Variants in HMCN2 observed in about 807,000 individuals in gnomAD.
HMCN2 encodes hemicentin-2.
HMCN2 carries 325 observed loss-of-function variants against 377.5 expected under a neutral mutation model. The ratio of observed to expected loss-of-function variants is 0.86; its 90% CI spans 0.79 to 0.94. HMCN2 has a LOEUF of 0.94. Among genes scored for constraint, HMCN2 ranks in the 40% least tolerant of loss-of-function variants. HMCN2 has a pLI of 0.00. For missense variants in HMCN2, 4,543 were observed against 4,725.3 expected (o/e 0.96, Z 1.13); for synonymous variants, 2,007 against 2,046.8 (o/e 0.98, Z 0.53).
At chr9:130,396,970 C>T (rs915513566) in intron 73 of HMCN2, among the ~76,000 whole-genome samples, 3 of 152,226 alleles carry the variant, frequency 2.0e-5, no homozygotes, top group African/African-American at 7.2e-5. Flanking sequence ...CCAATGTTGG[C>T]TTGGGCTGTG....
intron 74 of HMCN2, among the ~76,000 whole-genome samples, chr9:130,398,163 A>C (rs1291190086): frequency 1.3e-5 from 2 of 149,804 alleles, no homozygotes; most frequent in Non-Finnish European, 3.0e-5. Context: ...CAAAAAAAAA[A>C]AAAAAAAAAA....
chr9:130,383,328 G>A (rs1407894448), intron 56 of HMCN2, among the ~76,000 whole-genome samples, 176 bp from the exon 57 acceptor site: 2 of 152,076 alleles, frequency 1.3e-5, no homozygotes, highest in Non-Finnish European at 2.9e-5. Flanking sequence ...AACCTCACAC[G>A]CCCGCTCCTG....
At chr9:130,356,726 A>G (rs528834362) in intron 34 of HMCN2, among the ~76,000 whole-genome samples, 1 of 152,080 alleles carries the variant, frequency 6.6e-6, no homozygotes, top group South Asian at 2.1e-4. Flanking sequence ...TAGCCCTCCA[A>G]CAACTACATT....
chr9:130,419,291 T>G (rs1564877539), intron 86 of HMCN2: 3 of 399,508 alleles, frequency 7.5e-6, no homozygotes, highest in Non-Finnish European at 1.3e-5. Flanking sequence ...CTGGCACAAA[T>G]GCATGTCCTC....
At chr9:130,427,904 A>G (rs1190593190) in intron 92 of HMCN2, among the ~76,000 whole-genome samples, 1 of 152,190 alleles carries the variant, frequency 6.6e-6, no homozygotes, top group East Asian at 1.9e-4. Context: ...GAACCTGAAC[A>G]GGCCTCGGAA....
rs1056290568 is a variant in HMCN2, at chr9:130,422,083, G to A, written c.13232-494G>A. Among the ~76,000 whole-genome samples the A allele has an allele frequency of 7.2e-5, 11 of 152,230 alleles. No individual in the cohort carries two copies. Among genetic ancestry groups the A allele is most frequent in the African/African-American group, 1.2e-4 (5 of 41,460 alleles). On this transcript the variant is annotated intron_variant, in intron 86 of 97. Transcript: ENST00000683500. The surrounding 1 kb of genome is among the most constrained non-coding windows in gnomAD (Gnocchi z 4.2). ...CAGCGGCTAGGAAACCAGCCCACCC[G>A]GCCAGGCCAGCTGCAGGGCAGCCAG...
chr9:130,384,595 C>T (rs998458711), intron 58 of HMCN2, 61 bp downstream of exon 58: 154 of 1,300,058 alleles, frequency 1.2e-4, no homozygotes, highest in Middle Eastern at 6.4e-4. Context: ...GTTGCTCCCC[C>T]GACCTGGGAC....
chr9:130,412,567 C>CTTTTTTTTTTTTTTTTTTTTTTTTTTTTT (rs55873444), intron 85 of HMCN2, among the ~76,000 whole-genome samples: 1 of 134,528 alleles, frequency 7.4e-6, no homozygotes, highest in East Asian at 2.2e-4. Flanking sequence ...CTTTCTTTCT[C>CTTTTTTTTTTTTTTTTTTTTTTTTTTTTT]TTTTTTTTTT....
Position 130,428,603 on chromosome 9 carries a change from G to A in HMCN2, c.14197+114G>A, listed in dbSNP as rs117515575. The A allele has an allele frequency of 2.6e-4, 359 of 1,381,862 alleles. 3 individuals carry two copies. In the East Asian group the frequency reaches 8.1e-3, roughly 31 times the overall value. The allele number at this position is 1,381,862 out of a possible 1,614,324, so 85.6% of individuals were successfully genotyped here. A position where few individuals can be genotyped will look rare whatever the true frequency, so the allele number is the denominator to read the frequency against. ...GGCTCTGGGCTTCCAGGAAGACTGG[G>A]ACTCTTGGCAGAAGGAGTACAGCAA... On this transcript the variant is annotated intron_variant, in intron 93 of 97. Coordinates refer to ENST00000683500, the MANE Select transcript of HMCN2 (RefSeq NM_001291815.2). The surrounding 1 kb of genome is among the most constrained non-coding windows in gnomAD (Gnocchi z 5.0).
rs188168771 is a variant in HMCN2, at chr9:130,374,881, G to T, written c.7630+188G>T. ...TTATTATGGGCCAGGCATTTCAACA[G>T]GCCTGACTGAATCTTCACAATGACA... On this transcript the variant is annotated intron_variant, in intron 49 of 97. Transcript: ENST00000683500. 2.6e-5 allele frequency among the ~76,000 whole-genome samples: 4 copies of T among 152,306 alleles called. No individual in the cohort carries two copies. In the East Asian group the frequency reaches 7.7e-4, roughly 29 times the overall value.
At chr9:130,363,362 C>G (rs1315311077) in intron 40 of HMCN2, among the ~76,000 whole-genome samples, 4 of 152,206 alleles carry the variant, frequency 2.6e-5, no homozygotes, top group Non-Finnish European at 5.9e-5. Context: ...CTTTGCTTCT[C>G]TCGGCCACCA....
Position 130,302,824 on chromosome 9 carries a change from G to A in HMCN2, c.1277-33G>A, listed in dbSNP as rs371996916. On this transcript the variant is annotated intron_variant, in intron 8 of 97. Coordinates refer to ENST00000683500, the MANE Select transcript of HMCN2 (RefSeq NM_001291815.2). ...ACTGGGTGTGGCAAAGGGGCGGTGG[G>A]GAGACATTCTGAGTCCTGGTCCCCG... is the stretch of plus-strand genomic sequence containing the variant. The A allele has an allele frequency of 1.7e-3, 750 of 431,686 alleles. 4 individuals carry two copies. The highest frequency in any genetic ancestry group is 0.014 in the African/African-American group (691 of 49,390). The allele number at this position is 431,686 out of a possible 1,614,324, so 26.7% of individuals were successfully genotyped here. A position where few individuals can be genotyped will look rare whatever the true frequency, so the allele number is the denominator to read the frequency against.
rs145532214 is a variant in HMCN2 at position 130,384,733 on chromosome 9, T to G, written c.9041T>G (p.Met3014Arg). The change falls in exon 59 of 98, where the codon ATG (methionine) becomes AGG (arginine). Residue 3014 changes from methionine to arginine, a missense_variant. Around this residue, in one of 5 missense-constraint regions of HMCN2, gnomAD observed 736 missense variants for 773.2 expected, o/e 0.95. Coordinates refer to ENST00000683500, the MANE Select transcript of HMCN2 (RefSeq NM_001291815.2). ...AGAGCACGGCTGTCGGACTCCGGGA[T>G]GTACACATGCGAAGCCCTCAATGCT... The part of the protein sequence containing the change: ...LGRARLSDSG[M>R]YTCEALNAAG... 6.4e-4 allele frequency: 837 copies of G among 1,302,910 alleles called. 2 individuals are homozygous for G. The highest frequency in any genetic ancestry group is 3.6e-3 in the Middle Eastern group (17 of 4,698). The allele number at this position is 1,302,910 out of a possible 1,614,324, so 80.7% of individuals were successfully genotyped here. A position where few individuals can be genotyped will look rare whatever the true frequency, so the allele number is the denominator to read the frequency against.
intron 29 of HMCN2, 60 bp downstream of exon 29, chr9:130,349,723 G>A: frequency 2.4e-6 from 3 of 1,273,002 alleles, no homozygotes; most frequent in South Asian, 1.3e-5. Flanking sequence ...CCTGCTGGAT[G>A]TGGGGGTTGG....
In HMCN2 at chr9:130,404,810, G is replaced by A. The variant is rs562950374; in HGVS notation, c.12149-59G>A. ...GCTGGGCCAAAGGCCAAGGGCCCCA[G>A]GATGGTGTCAGCCGCCTCCCTGAGC... On this transcript the variant is annotated intron_variant, in intron 80 of 97. Transcript: ENST00000683500. The A allele has an allele frequency of 6.1e-6, 7 of 1,150,136 alleles. No homozygotes were observed. The African/African-American group carries it at 1.1e-4, about 19-fold the overall frequency. 71.2% of individuals were successfully genotyped at this position (1,150,136 alleles called of 1,614,324 possible).
In HMCN2 at chr9:130,374,651, G is replaced by A. The variant is rs1841277676; in HGVS notation, c.7588G>A (p.Ala2530Thr). The A allele has an allele frequency of 3.0e-6, 3 of 985,664 alleles. No individual in the cohort carries two copies. The highest frequency in any genetic ancestry group is 4.7e-5 in the South Asian group (1 of 21,294). 61.1% of individuals were successfully genotyped at this position (985,664 alleles called of 1,614,324 possible). Reference protein sequence around the residue: ...AGHYSCIAANAVGEKTKHFQL... With the variant: ...AGHYSCIAANTVGEKTKHFQL... ...CCACTACTCCTGCATTGCAGCCAACGCTGTTGGGGAGAAGACCAAACACTT... is the reference window on the plus strand; with the variant it reads ...CCACTACTCCTGCATTGCAGCCAACACTGTTGGGGAGAAGACCAAACACTT... The change falls in exon 49 of 98, where the codon GCT becomes ACT. Residue 2530 changes from alanine (A) to threonine (T), a missense_variant. Ala to Thr is a moderately conservative substitution (Grantham distance 58). Coordinates refer to ENST00000683500, the MANE Select transcript of HMCN2 (RefSeq NM_001291815.2).
chr9:130,337,237 T>C (rs1349693246), intron 22 of HMCN2, among the ~76,000 whole-genome samples: 1 of 152,074 alleles, frequency 6.6e-6, no homozygotes. Flanking sequence ...GATGTGACTT[T>C]ATCAAGCTGA....
rs1037706267 is a variant in HMCN2, at chr9:130,354,839, G to A, written c.4941G>A (p.Glu1647=). The change falls in exon 32 of 98, where the codon GAG becomes GAA. Residue 1647 remains glutamate (E), a synonymous_variant. Transcript: ENST00000683500. The stretch of plus-strand genomic sequence containing the variant: ...TGGCTGGGAGGCCTGTGGCGCTGGA[G>A]TGCGTGGCCAGAGGCCACCCGTCCC... ...KAVAGRPVAL[E]CVARGHPSPT... is the part of the protein sequence containing the mutation. The A allele has an allele frequency of 7.7e-7, 1 of 1,304,278 alleles. No individual in the cohort carries two copies. The highest frequency in any genetic ancestry group is 2.3e-5 in the Admixed American group (1 of 43,574). 80.8% of individuals were successfully genotyped at this position (1,304,278 alleles called of 1,614,324 possible).
intron 4 of HMCN2, among the ~76,000 whole-genome samples, chr9:130,288,307 G>T (rs1588176815): frequency 6.6e-6 from 1 of 152,252 alleles, no homozygotes; most frequent in East Asian, 1.9e-4. Context: ...TGGCCGGGCA[G>T]CATGTGTCTG....
Sources: gnomAD v4.1 joint callset for allele counts (sites outside exome capture counted in the v4.1 genomes callset) on GRCh38, gnomAD v4.1.1 for gene constraint, gnomAD v4.1.1 regional missense constraint, Gnocchi (gnomAD v3.1) non-coding constraint, MANE v1.5 for transcripts, NCBI Gene and HGNC (gene_info 2026-07-23, HGNC 2026-07-21) for gene names.